RALYL: variants seen among roughly 807,000 people sequenced by gnomAD.
The protein encoded by RALYL is RNA-binding Raly-like protein.
A neutral mutation model predicts 35.1 loss-of-function variants in RALYL; 29 were observed. The ratio of observed to expected loss-of-function variants is 0.83; its 90% CI spans 0.61 to 1.13. RALYL has a LOEUF of 1.13. Ranked by LOEUF, RALYL falls within the 50% of genes most tolerant of loss-of-function variation. The pLI, the probability that RALYL is intolerant of heterozygous loss-of-function variation, is 0.00. For missense variants in RALYL, 359 were observed against 360.4 expected, an observed-to-expected ratio of 1.00 and a Z score of 0.03; for synonymous variants, 120 against 127.6, an observed-to-expected ratio of 0.94 and a Z score of 0.40.
intron 2 of RALYL, among the ~76,000 whole-genome samples, chr8:84,718,060 G>A (rs1370835312): frequency 1.3e-5 from 2 of 152,028 alleles, no homozygotes; most frequent in African/African-American, 2.4e-5. Context: ...TCCCCTATGG[G>A]TATTTGTCAT....
chr8:84,670,497 GAAGA>G (rs1158735255), intron 2 of RALYL, among the ~76,000 whole-genome samples: 7 of 152,310 alleles, frequency 4.6e-5, no homozygotes, highest in Admixed American at 4.6e-4. Flanking sequence ...ACATGGCTAT[GAAGA>G]AATACCCAAG....
chr8:84,649,764 G>C (rs1316097020), intron 2 of RALYL, among the ~76,000 whole-genome samples: 1 of 152,034 alleles, frequency 6.6e-6, no homozygotes, highest in Admixed American at 6.6e-5. Flanking sequence ...GGTGATGTGG[G>C]CTCTTTTTTG....
chr8:84,390,174 G>C (rs889683848), intron 1 of RALYL, among the ~76,000 whole-genome samples: 52 of 152,256 alleles, frequency 3.4e-4, no homozygotes, highest in Admixed American at 1.3e-3. Context: ...AACCAGCCTT[G>C]CATCCCTGGG....
Position 84,620,918 on chromosome 8 carries a change from A to T in RALYL, c.256+91341A>T, listed in dbSNP as rs570890251. The stretch of plus-strand genomic sequence containing the variant: ...AGTTAGGCTGCTCGGGGGTCAGGGG[A>T]CAGGGACCCACTTGAGGAGGCAGTC... On this transcript the variant is annotated intron_variant, in intron 2 of 8. Transcript: ENST00000521268. 8.6e-5 allele frequency among the ~76,000 whole-genome samples: 13 copies of T among 151,720 alleles called. 1 individual carries two copies. Among genetic ancestry groups the T allele is most frequent in the South Asian group, 8.3e-4 (4 of 4,810 alleles).
At chr8:84,448,010 C>T (rs1374200887) in intron 1 of RALYL, among the ~76,000 whole-genome samples, 1 of 151,874 alleles carries the variant, frequency 6.6e-6, no homozygotes, top group East Asian at 1.9e-4. Context: ...AGAGAGAGAG[C>T]ACTGCCTGGT....
intron 2 of RALYL, among the ~76,000 whole-genome samples, chr8:84,697,983 T>C (rs1431872981): frequency 6.6e-6 from 1 of 152,132 alleles, no homozygotes; most frequent in Non-Finnish European, 1.5e-5. Context: ...TAATTCCAAC[T>C]AAAGTAAAAT....
At chr8:84,642,346 C>A (rs1306340887) in intron 2 of RALYL, among the ~76,000 whole-genome samples, 2 of 151,710 alleles carry the variant, frequency 1.3e-5, no homozygotes, top group Admixed American at 1.3e-4. Flanking sequence ...GCCTCTATGG[C>A]AATTTGTGGG....
chr8:84,400,234 TTA>T (rs1461797364), intron 1 of RALYL, among the ~76,000 whole-genome samples: 1 of 152,232 alleles, frequency 6.6e-6, no homozygotes, highest in Non-Finnish European at 1.5e-5. Flanking sequence ...TAAAATTTAT[TTA>T]TGTTTCGTAT....
intron 1 of RALYL, among the ~76,000 whole-genome samples, chr8:84,425,214 T>G (rs2046237739): frequency 6.6e-6 from 1 of 152,104 alleles, no homozygotes; most frequent in South Asian, 2.1e-4. Flanking sequence ...TCCGTGGGCA[T>G]AGGACCCTCC....
chr8:84,894,035 T>C (rs2135489135), intron 8 of RALYL, among the ~76,000 whole-genome samples: 1 of 152,240 alleles, frequency 6.6e-6, no homozygotes, highest in East Asian at 1.9e-4. Flanking sequence ...CTGTGCACAC[T>C]GGGGAAGGTC....
intron 2 of RALYL, among the ~76,000 whole-genome samples, chr8:84,620,059 AC>A (rs1820945640): frequency 6.6e-6 from 1 of 151,876 alleles, no homozygotes; most frequent in African/African-American, 2.4e-5. Flanking sequence ...GGTGAATCTG[AC>A]AATTATGTGT....
intron 2 of RALYL, among the ~76,000 whole-genome samples, chr8:84,621,557 C>G (rs1046119620): frequency 6.6e-6 from 1 of 151,744 alleles, no homozygotes; most frequent in African/African-American, 2.4e-5. Context: ...CACCTGTCTT[C>G]GGCGTCGCTC....
At chr8:84,584,682 G>A (rs1162994598) in intron 2 of RALYL, among the ~76,000 whole-genome samples, 2 of 151,914 alleles carry the variant, frequency 1.3e-5, no homozygotes, top group Non-Finnish European at 2.9e-5. Flanking sequence ...GAATATTTAG[G>A]TGTGTCTTTT....
At position 84,481,277 on chromosome 8, in the gene RALYL, T is replaced by C. The variant is rs201026099; in HGVS notation, c.-23-48022T>C. ...ATTGACTTTGCATCCTGTAACATTA[T>C]AAAATTGAAGTATTTGTTTTTTAGG... On this transcript the variant is annotated intron_variant, in intron 1 of 8. Coordinates refer to ENST00000521268, the MANE Select transcript of RALYL (RefSeq NM_173848.7). Among the ~76,000 whole-genome samples, 3 of 152,186 alleles carry C rather than the reference T, an allele frequency of 2.0e-5. No homozygotes were observed. In the East Asian group the frequency reaches 5.8e-4, roughly 29 times the overall value.
At position 84,277,981 on chromosome 8, in the gene RALYL, G is replaced by A. The variant is rs916908245; in HGVS notation, c.-24+93557G>A. On this transcript the variant is annotated intron_variant, in intron 1 of 8. Coordinates refer to ENST00000521268, the MANE Select transcript of RALYL (RefSeq NM_173848.7). ...CAATTCTGGGGTCTGGAGGATGGTG[G>A]CCATCTTCTCACAGCTCCACTAGGC... Among the ~76,000 whole-genome samples the A allele has an allele frequency of 2.6e-5, 4 of 152,172 alleles. No individual in the cohort carries two copies. The South Asian group carries it at 8.3e-4, about 31-fold the overall frequency.
intron 2 of RALYL, among the ~76,000 whole-genome samples, chr8:84,530,841 A>G (rs1033301803): frequency 6.6e-6 from 1 of 152,036 alleles, no homozygotes; most frequent in African/African-American, 2.4e-5. Flanking sequence ...TTCTTGAACC[A>G]CTCTAGTAAT....
intron 1 of RALYL, among the ~76,000 whole-genome samples, chr8:84,523,460 C>T (rs2058627123): frequency 6.6e-6 from 1 of 152,122 alleles, no homozygotes; most frequent in Non-Finnish European, 1.5e-5. Flanking sequence ...AAGGACAATC[C>T]ATATCACCTG....
At chr8:84,609,445 C>G (rs1046766388) in intron 2 of RALYL, among the ~76,000 whole-genome samples, 23 of 152,046 alleles carry the variant, frequency 1.5e-4, no homozygotes, top group African/African-American at 5.6e-4. Flanking sequence ...AATTCCTTCC[C>G]CTTTCTTGTC....
intron 2 of RALYL, among the ~76,000 whole-genome samples, chr8:84,693,228 T>C (rs1281719571): frequency 1.3e-5 from 2 of 151,974 alleles, no homozygotes; most frequent in African/African-American, 4.8e-5. Flanking sequence ...TAAAAAGAAG[T>C]GCCTGAGACT....
Sources: gnomAD v4.1 joint callset for allele counts (sites outside exome capture counted in the v4.1 genomes callset) on GRCh38, gnomAD v4.1.1 for gene constraint, MANE v1.5 for transcripts, NCBI Gene and HGNC (gene_info 2026-07-23, HGNC 2026-07-21) for gene names.